Variants in PRDX4 observed in about 807,000 individuals in gnomAD.
PRDX4 encodes the protein peroxiredoxin-4.
PRDX4 carries 12 observed loss-of-function variants against 20.5 expected under a neutral mutation model. The ratio of observed to expected loss-of-function variants is 0.58; its 90% CI spans 0.37 to 0.95. The LOEUF is 0.95. Among genes scored for constraint, PRDX4 ranks in the 40% least tolerant of loss-of-function variants. The pLI, the probability that PRDX4 is intolerant of heterozygous loss-of-function variation, is 0.01. For synonymous variants in PRDX4, 99 were observed against 87.5 expected (o/e 1.13, Z -0.73); for missense variants, 180 against 207.3 (o/e 0.87, Z 0.81).
chrX:23,676,500 T>C (rs933218009), intron 3 of PRDX4, among the ~76,000 whole-genome samples: 8 of 110,901 alleles, frequency 7.2e-5, no homozygotes, highest in Non-Finnish European at 1.3e-4. Flanking sequence ...AATGTAAAAA[T>C]ATTAAAATAG....
At chrX:23,677,252 C>T (rs1927967024) in intron 3 of PRDX4, among the ~76,000 whole-genome samples, 1 of 111,193 alleles carries the variant, frequency 9.0e-6, no homozygotes, top group East Asian at 2.8e-4. Flanking sequence ...AGAGCAATGT[C>T]GTTTTGTTTT....
In PRDX4 at chrX:23,667,736, G is replaced by A; in HGVS notation, c.166G>A (p.Gly56Ser). 2 of 1,211,887 alleles carry A rather than the reference G, an allele frequency of 1.7e-6. No homozygotes were observed. Among genetic ancestry groups the A allele is most frequent in the Non-Finnish European group, 2.2e-6 (2 of 895,485 alleles). Residue 56 changes from glycine to serine, a missense_variant, in exon 1 of 7, where the codon GGT becomes AGT. Physicochemically the swap from Gly to Ser is moderately conservative, Grantham distance 56 (BLOSUM62 0). Transcript: ENST00000379341. ...TREEECHFYA[G>S]GQVYPGEASR... ...CGAAGAGGAGTGCCACTTCTACGCG[G>A]GTGGACAAGTGTACCCGGGAGAGGC...
At chrX:23,685,898 C>A in intron 6 of PRDX4, 1 of 188,178 alleles carries the variant, frequency 5.3e-6, no homozygotes, top group Non-Finnish European at 1.1e-5. Context: ...TGAACACCTG[C>A]CTCCTTTTCA....
In PRDX4 at chrX:23,667,563, G is replaced by A; in HGVS notation, c.-8G>A. 1 of 1,177,424 alleles carries A rather than the reference G, an allele frequency of 8.5e-7. No individual in the cohort carries two copies. The highest frequency in any genetic ancestry group is 1.1e-6 in the Non-Finnish European group (1 of 878,856). On this transcript the variant is annotated 5_prime_UTR_variant, in exon 1 of 7. Transcript: ENST00000379341. Reference sequence around the variant, plus strand: ...CGCCAAGGGACGTGTTTCTGCGCTCGCGTGGTCATGGAGGCGCTGCCGCTG... The same window carrying A: ...CGCCAAGGGACGTGTTTCTGCGCTCACGTGGTCATGGAGGCGCTGCCGCTG...
chrX:23,669,525 A>G (rs1288925997), intron 1 of PRDX4, among the ~76,000 whole-genome samples: 1 of 111,863 alleles, frequency 8.9e-6, no homozygotes, highest in Non-Finnish European at 1.9e-5. Context: ...TTTTCAAATA[A>G]TTTTTAGTAA....
intron 1 of PRDX4, among the ~76,000 whole-genome samples, chrX:23,669,724 C>T (rs930192372): frequency 1.8e-5 from 2 of 110,295 alleles, no homozygotes; most frequent in African/African-American, 6.6e-5. Context: ...CGAGACCAGA[C>T]TGGCCAGCAT....
intron 3 of PRDX4, among the ~76,000 whole-genome samples, chrX:23,678,945 AT>A (rs1468907292): frequency 8.9e-6 from 1 of 111,981 alleles, no homozygotes; most frequent in Admixed American, 9.5e-5. Flanking sequence ...TCTCAAAAAC[AT>A]AAAATAAAAA....
intron 3 of PRDX4, among the ~76,000 whole-genome samples, chrX:23,677,371 A>G (rs1355825461): frequency 5.4e-5 from 6 of 111,679 alleles, no homozygotes; most frequent in African/African-American, 1.6e-4. Context: ...CAGTGTTCCA[A>G]AATTCAAAAT....
chrX:23,669,965 AAGAC>A (rs1258794414), intron 1 of PRDX4, among the ~76,000 whole-genome samples: 2 of 111,234 alleles, frequency 1.8e-5, no homozygotes, highest in African/African-American at 6.5e-5. Context: ...TAAGACTAGA[AAGAC>A]AGACATCAGA....
chrX:23,679,764 G>A (rs1433989592), intron 4 of PRDX4, among the ~76,000 whole-genome samples: 4 of 110,004 alleles, frequency 3.6e-5, no homozygotes, highest in Non-Finnish European at 7.6e-5. Flanking sequence ...AGATCATGAT[G>A]TCAAGATATC....
chrX:23,683,875 C>G (rs1032283311), intron 6 of PRDX4, among the ~76,000 whole-genome samples, 170 bp downstream of exon 6: 3 of 77,262 alleles, frequency 3.9e-5, no homozygotes, highest in Non-Finnish European at 7.4e-5. Context: ...AAATCCGTCT[C>G]TACTAAAATA....
intron 4 of PRDX4, among the ~76,000 whole-genome samples, chrX:23,680,222 A>G (rs1175248420): frequency 9.0e-6 from 1 of 111,588 alleles, no homozygotes. Context: ...CAGAGCCCAG[A>G]CTTAAATCCA....
At chrX:23,682,022 CAG>C (rs1928078514) in intron 4 of PRDX4, among the ~76,000 whole-genome samples, 2 of 112,363 alleles carry the variant, frequency 1.8e-5, no homozygotes, top group Non-Finnish European at 3.8e-5. Context: ...GCCTGGGCAA[CAG>C]AGTGAGATCC....
chrX:23,679,108 T>C, intron 3 of PRDX4, 57 bp from the exon 4 acceptor site: 1 of 1,148,650 alleles, frequency 8.7e-7, no homozygotes, highest in Non-Finnish European at 1.2e-6. Flanking sequence ...GAAAGAGTGC[T>C]GTTTTAATAT....
rs753417196 is a variant in PRDX4 at position 23,674,967 on chromosome X, ATTTT to A, written c.360-13_360-10del. ...TATGCTTATTTGGAGAATACTGAAT[ATTTT>A]TTTTTTTTTACCTTTCAGCACATTT... On this transcript the variant is annotated intron_variant, in intron 2 of 6. Coordinates refer to ENST00000379341, the MANE Select transcript of PRDX4 (RefSeq NM_006406.2). The A allele has an allele frequency of 3.7e-6, 4 of 1,085,791 alleles. No individual in the cohort carries two copies. The South Asian group carries it at 6.1e-5, about 17-fold the overall frequency. The allele number at this position is 1,085,791 out of a possible 1,213,427, so 89.5% of individuals were successfully genotyped here. A position where few individuals can be genotyped will look rare whatever the true frequency, so the allele number is the denominator to read the frequency against.
chrX:23,682,362 A>G (rs750701505), intron 4 of PRDX4, 34 bp from the exon 5 acceptor site: 1 of 1,075,779 alleles, frequency 9.3e-7, no homozygotes. Context: ...ATGAGAAGAA[A>G]TGACCTCATC....
intron 1 of PRDX4, 187 bp from the exon 2 acceptor site, chrX:23,671,342 C>A (rs372071176): frequency 2.9e-6 from 1 of 347,758 alleles, no homozygotes. Context: ...CAATTGGTTT[C>A]TTTTGTAATT....
At chrX:23,686,197 T>A (rs1402518094) in intron 6 of PRDX4, 88 bp from the exon 7 acceptor site, 4 of 669,210 alleles carry the variant, frequency 6.0e-6, no homozygotes, top group Non-Finnish European at 9.0e-6. Context: ...TAATTTTTAG[T>A]CAAGGCATGG....
At chrX:23,682,286 G>A (rs2146794140) in intron 4 of PRDX4, 110 bp from the exon 5 acceptor site, 1 of 434,172 alleles carries the variant, frequency 2.3e-6, no homozygotes, top group Admixed American at 5.1e-5. Flanking sequence ...GAGTAGGTAG[G>A]TAGTGTGGTG....
Sources: allele counts gnomAD v4.1 joint callset (sites outside exome capture counted in the v4.1 genomes callset), GRCh38; gene constraint gnomAD v4.1.1; transcripts MANE v1.5; gene names NCBI Gene and HGNC (gene_info 2026-07-23, HGNC 2026-07-21).